Variants in NMD3 observed in about 807,000 individuals in gnomAD.
NMD3 encodes NMD3 ribosome export adaptor.
Under a neutral mutation model 73.1 loss-of-function variants are expected in NMD3, and 47 were observed. The observed-to-expected ratio is 0.64, with a 90% confidence interval of 0.51 to 0.82. The LOEUF is 0.82. NMD3 is among the 40% of genes least tolerant of loss of function. NMD3 has a pLI of 0.00. For synonymous variants in NMD3, 210 were observed against 194.5 expected (o/e 1.08, Z -0.66); for missense variants, 554 against 612.5 (o/e 0.90, Z 1.01).
At chr3:161,235,842 C>T (rs532226905) in intron 7 of NMD3, among the ~76,000 whole-genome samples, 7 of 152,134 alleles carry the variant, frequency 4.6e-5, no homozygotes, top group East Asian at 1.9e-4. Flanking sequence ...AAATCTCATC[C>T]GTAACTGTAG....
chr3:161,221,961 T>TTC, intron 1 of NMD3, 33 bp from the exon 2 acceptor site: 1 of 193,674 alleles, frequency 5.2e-6, no homozygotes, highest in Non-Finnish European at 6.5e-6. Context: ...ACATTCTCTT[T>TTC]TTTTTTTTTT....
At chr3:161,225,267 T>G (rs1374951951) in intron 3 of NMD3, among the ~76,000 whole-genome samples, 2 of 152,226 alleles carry the variant, frequency 1.3e-5, no homozygotes, top group Non-Finnish European at 2.9e-5. Flanking sequence ...CTGGTAAAGA[T>G]AGTGTAAATG....
intron 3 of NMD3, 125 bp from the exon 4 acceptor site, chr3:161,227,122 G>T: frequency 3.7e-6 from 2 of 543,028 alleles, no homozygotes; most frequent in Non-Finnish European, 6.6e-6. Context: ...TGAGTTAAGT[G>T]CTTCATATCA....
intron 14 of NMD3, 63 bp downstream of exon 14, chr3:161,249,623 T>TA: frequency 9.4e-7 from 1 of 1,059,658 alleles, no homozygotes; most frequent in Non-Finnish European, 1.4e-6. Context: ...AAATACTTTT[T>TA]ATGTTGTAAA....
chr3:161,226,915 C>T (rs1047405321), intron 3 of NMD3, among the ~76,000 whole-genome samples: 3 of 152,026 alleles, frequency 2.0e-5, no homozygotes, highest in African/African-American at 7.2e-5. Context: ...CATTTTAATG[C>T]CATTTTGAGA....
chr3:161,251,495 T>C lies in NMD3; in HGVS notation c.*585T>C, dbSNP rs1257765537. ...CTTCAAAAGCCGTTAAACAGAGAGTTATCTTAATTTTTATTGCAGTAGGAG... is the reference window on the plus strand; with the variant it reads ...CTTCAAAAGCCGTTAAACAGAGAGTCATCTTAATTTTTATTGCAGTAGGAG... On this transcript the variant is annotated 3_prime_UTR_variant, in exon 16 of 16. Transcript: ENST00000351193. 2.0e-5 allele frequency: 3 copies of C among 152,160 alleles called. No individual in the cohort carries two copies. Among genetic ancestry groups the C allele is most frequent in the Non-Finnish European group, 4.4e-5 (3 of 68,010 alleles). The allele number at this position is 152,160 out of a possible 1,614,324, so 9.4% of individuals were successfully genotyped here.
At position 161,237,309 on chromosome 3, in the gene NMD3, C is replaced by G. The variant is rs548567540; in HGVS notation, c.578-804C>G. Among the ~76,000 whole-genome samples the G allele has an allele frequency of 1.8e-4, 28 of 152,158 alleles. 1 individual carries two copies. In the South Asian group the frequency reaches 5.2e-3, roughly 28 times the overall value. The stretch of plus-strand genomic sequence containing the variant: ...AACTGTGTTCTATAATCTCAGTTAA[C>G]TCGACCTTGATAGTTGGTTATTCAA... On this transcript the variant is annotated intron_variant, in intron 7 of 15. Coordinates refer to ENST00000351193, the MANE Select transcript of NMD3 (RefSeq NM_015938.5).
intron 11 of NMD3, among the ~76,000 whole-genome samples, chr3:161,245,159 T>C (rs1737150845): frequency 6.6e-6 from 1 of 151,880 alleles, no homozygotes; most frequent in South Asian, 2.1e-4. Context: ...TGTGTGTGTG[T>C]GTGCGTGCTA....
Position 161,221,958 on chromosome 3 carries a change from CTTTTTTTT to C in NMD3, c.-20-13_-20-6del, listed in dbSNP as rs376329329. On this transcript the variant is annotated intron_variant, in intron 1 of 15. Transcript: ENST00000351193. ...AAAGTGATTTAAATCCCAACATTCT[CTTTTTTTT>C]TTTTTTTTTTTTTTTTTTTTTTAAA... 2.1e-3 allele frequency: 1,825 copies of C among 868,072 alleles called. 2 individuals are homozygous for C. The highest frequency in any genetic ancestry group is 8.6e-3 in the African/African-American group (402 of 46,952). The allele number at this position is 868,072 out of a possible 1,614,324, so 53.8% of individuals were successfully genotyped here. A position where few individuals can be genotyped will look rare whatever the true frequency, so the allele number is the denominator to read the frequency against.
At chr3:161,235,840 T>C (rs868152755) in intron 7 of NMD3, among the ~76,000 whole-genome samples, 15 of 152,124 alleles carry the variant, frequency 9.9e-5, no homozygotes, top group Middle Eastern at 3.2e-3. Flanking sequence ...ATAAATCTCA[T>C]CCGTAACTGT....
chr3:161,240,325 A>G (rs1736918917), intron 9 of NMD3, among the ~76,000 whole-genome samples: 1 of 152,138 alleles, frequency 6.6e-6, no homozygotes, highest in African/African-American at 2.4e-5. Flanking sequence ...ACATGTAGCC[A>G]TGTAAGAGAA....
At chr3:161,248,530 A>T (rs1344151913) in intron 13 of NMD3, among the ~76,000 whole-genome samples, 1 of 152,090 alleles carries the variant, frequency 6.6e-6, no homozygotes, top group Non-Finnish European at 1.5e-5. Context: ...AAATGATGAC[A>T]TTTAGCATTT....
At chr3:161,252,824 T>C (rs781400498), downstream of NMD3, 8 of 695,112 alleles carry the variant, frequency 1.2e-5, no homozygotes, top group South Asian at 1.2e-4. Flanking sequence ...AGGGGCCAAG[T>C]GTGGTGGTTG....
chr3:161,244,835 G>A (rs1737135818), intron 11 of NMD3, among the ~76,000 whole-genome samples: 1 of 151,632 alleles, frequency 6.6e-6, no homozygotes, highest in Admixed American at 6.6e-5. Context: ...TTTCAGGCTT[G>A]TCTCAAACGA....
chr3:161,244,349 G>A (rs1050027385), intron 11 of NMD3, among the ~76,000 whole-genome samples: 4 of 152,102 alleles, frequency 2.6e-5, no homozygotes, highest in Non-Finnish European at 5.9e-5. Flanking sequence ...GGCTGGTCTT[G>A]AACTCCTGAG....
chr3:161,238,447 G>A (rs761801937), intron 8 of NMD3, among the ~76,000 whole-genome samples: 3 of 152,172 alleles, frequency 2.0e-5, no homozygotes, highest in African/African-American at 4.8e-5. Context: ...TGCAGTGGGC[G>A]TTAGTATGGC....
chr3:161,240,941 C>A, intron 9 of NMD3, 105 bp from the exon 10 acceptor site: 1 of 589,932 alleles, frequency 1.7e-6, no homozygotes, highest in Non-Finnish European at 3.0e-6. Flanking sequence ...TTGAAAATAA[C>A]GTTTTGGTTG....
intron 11 of NMD3, among the ~76,000 whole-genome samples, chr3:161,244,484 A>G (rs941891066): frequency 3.9e-5 from 6 of 152,188 alleles, no homozygotes; most frequent in Non-Finnish European, 7.4e-5. Flanking sequence ...GAGTTGATCT[A>G]GGAATCATTT....
In NMD3 at chr3:161,227,246, G is replaced by T; in HGVS notation, c.180-1G>T. On this transcript the variant is annotated splice_acceptor_variant, in intron 3 of 15. Coordinates refer to ENST00000351193, the MANE Select transcript of NMD3 (RefSeq NM_015938.5). LOFTEE classifies it high-confidence loss of function. Reference sequence around the variant, plus strand: ...TTTCAGTATGTTATCTTCTCTTTTAGGTATTTTCAACCACCAGGAACTTGG... The same window carrying T: ...TTTCAGTATGTTATCTTCTCTTTTATGTATTTTCAACCACCAGGAACTTGG... The T allele has an allele frequency of 1.3e-6, 2 of 1,556,762 alleles. No individual in the cohort carries two copies. The highest frequency in any genetic ancestry group is 1.8e-6 in the Non-Finnish European group (2 of 1,137,076).
Sources: allele counts gnomAD v4.1 joint callset (sites outside exome capture counted in the v4.1 genomes callset), GRCh38; gene constraint gnomAD v4.1.1; transcripts MANE v1.5; gene names NCBI Gene and HGNC (gene_info 2026-07-23, HGNC 2026-07-21).